ELOVL2: variants seen among roughly 807,000 people sequenced by gnomAD.
ELOVL2 encodes the protein very long chain fatty acid elongase 2.
Under a neutral mutation model 37.7 loss-of-function variants are expected in ELOVL2, and 38 were observed. The ratio of observed to expected loss-of-function variants is 1.01; its 90% CI spans 0.78 to 1.32. The LOEUF is 1.32. Ranked by LOEUF, ELOVL2 falls within the 40% of genes most tolerant of loss-of-function variation. ELOVL2 has a pLI of 0.00. For synonymous variants in ELOVL2, 115 were observed against 122.3 expected (o/e 0.94, Z 0.40); for missense variants, 352 against 363.6 (o/e 0.97, Z 0.26).
chr6:11,000,334 T>C (rs1782360317), intron 3 of ELOVL2, among the ~76,000 whole-genome samples, 170 bp from the exon 4 acceptor site: 1 of 152,236 alleles, frequency 6.6e-6, no homozygotes. Context: ...AGGGGACTTA[T>C]TTCCTGCTGT....
intron 1 of ELOVL2, among the ~76,000 whole-genome samples, chr6:11,018,942 T>C (rs551645592): frequency 1.3e-5 from 2 of 152,160 alleles, no homozygotes; most frequent in African/African-American, 2.4e-5. Context: ...CAAACAGAAA[T>C]AAAATCTCTG....
intron 3 of ELOVL2, 61 bp downstream of exon 3, chr6:11,005,311 T>G: frequency 6.8e-7 from 1 of 1,464,032 alleles, no homozygotes; most frequent in Non-Finnish European, 9.3e-7. Flanking sequence ...TAGATGTGGT[T>G]GTTTCTGTTA....
At chr6:11,037,406 G>A (rs529525661) in intron 1 of ELOVL2, among the ~76,000 whole-genome samples, 1 of 152,028 alleles carries the variant, frequency 6.6e-6, no homozygotes, top group Admixed American at 6.6e-5. Context: ...TTAGTCACGT[G>A]GAAAATTCAA....
At chr6:11,027,786 A>T (rs1041906408) in intron 1 of ELOVL2, among the ~76,000 whole-genome samples, 1 of 151,928 alleles carries the variant, frequency 6.6e-6, no homozygotes, top group African/African-American at 2.4e-5. Flanking sequence ...ATGTGGACTG[A>T]CCTTTCCTAC....
chr6:10,987,682 A>G (rs776596902), intron 7 of ELOVL2, among the ~76,000 whole-genome samples: 18 of 152,198 alleles, frequency 1.2e-4, no homozygotes, highest in Non-Finnish European at 2.2e-4. Context: ...TTCAATGACT[A>G]TTAGAGGTCA....
At chr6:11,040,992 T>C (rs1332121525) in intron 1 of ELOVL2, among the ~76,000 whole-genome samples, 1 of 152,230 alleles carries the variant, frequency 6.6e-6, no homozygotes, top group Non-Finnish European at 1.5e-5. Context: ...ATAAATTAAC[T>C]ATTTATTAGA....
chr6:11,020,066 A>G (rs892243035), intron 1 of ELOVL2, among the ~76,000 whole-genome samples: 3 of 152,194 alleles, frequency 2.0e-5, no homozygotes, highest in Non-Finnish European at 2.9e-5. Flanking sequence ...CTTTTTAACA[A>G]TAAGTCATTA....
chr6:11,019,734 T>TTTG lies in ELOVL2; in HGVS notation c.4-8928_4-8926dup, dbSNP rs776460444. 1.9e-4 allele frequency among the ~76,000 whole-genome samples: 29 copies of TTTG among 149,710 alleles called. 1 individual carries two copies. The highest frequency in any genetic ancestry group is 4.9e-4 in the African/African-American group (20 of 40,426). ...ATGTCTCTATCGTTTTAGTTTAGTT[T>TTTG]TTGTTGTTGTTGTTGTTGTTTGTTT... On this transcript the variant is annotated intron_variant, in intron 1 of 7. Coordinates refer to ENST00000354666, the MANE Select transcript of ELOVL2 (RefSeq NM_017770.4).
rs1220173291 is a variant in ELOVL2 at position 11,005,369 on chromosome 6, T to A, written c.255+3A>T. 6 of 1,610,688 alleles carry A rather than the reference T, an allele frequency of 3.7e-6. No individual in the cohort carries two copies. Among genetic ancestry groups the A allele is most frequent in the Non-Finnish European group, 4.2e-6 (5 of 1,178,606 alleles). On this transcript the variant is annotated splice_donor_region_variant and intron_variant, in intron 3 of 7. Coordinates refer to ENST00000354666, the MANE Select transcript of ELOVL2 (RefSeq NM_017770.4). Reference sequence around the variant, plus strand: ...CTTCAGCTTTGGCTACATAAACACTTACCTCTGCCAGCATGTACGCGGAGA... The same window carrying A: ...CTTCAGCTTTGGCTACATAAACACTAACCTCTGCCAGCATGTACGCGGAGA...
At chr6:11,001,268 TTC>T (rs2113501465) in intron 3 of ELOVL2, among the ~76,000 whole-genome samples, 1 of 152,318 alleles carries the variant, frequency 6.6e-6, no homozygotes, top group East Asian at 1.9e-4. Flanking sequence ...CAAAAACCCT[TTC>T]TGTTAACATC....
intron 1 of ELOVL2, among the ~76,000 whole-genome samples, chr6:11,023,599 T>C (rs1407439993): frequency 6.6e-6 from 1 of 152,202 alleles, no homozygotes; most frequent in Non-Finnish European, 1.5e-5. Flanking sequence ...CTATTTTATA[T>C]TTTCCTTCTT....
chr6:11,009,872 C>A (rs1345000450), intron 2 of ELOVL2, among the ~76,000 whole-genome samples: 2 of 151,944 alleles, frequency 1.3e-5, no homozygotes, highest in Non-Finnish European at 2.9e-5. Context: ...CCAGCTGACA[C>A]TGAATAAATG....
In ELOVL2 at chr6:10,983,547, G is replaced by C. The variant is rs888538120; in HGVS notation, c.*234C>G. The stretch of plus-strand genomic sequence containing the variant: ...GTTCAGTCTGTGGGAGGGAGGGAGA[G>C]AGAAGCTGCACCAGTTCTGAGGTCC... On this transcript the variant is annotated 3_prime_UTR_variant, in exon 8 of 8. Coordinates refer to ENST00000354666, the MANE Select transcript of ELOVL2 (RefSeq NM_017770.4). The C allele has an allele frequency of 3.4e-5, 12 of 352,516 alleles. No individual in the cohort carries two copies. Among genetic ancestry groups the C allele is most frequent in the African/African-American group, 2.5e-4 (12 of 47,138 alleles). 21.8% of individuals were successfully genotyped at this position (352,516 alleles called of 1,614,324 possible).
chr6:10,983,704 T>G lies in ELOVL2; in HGVS notation c.*77A>C. 2.1e-6 allele frequency: 3 copies of G among 1,454,298 alleles called. No individual in the cohort carries two copies. The highest frequency in any genetic ancestry group is 2.8e-6 in the Non-Finnish European group (3 of 1,085,208). The allele number at this position is 1,454,298 out of a possible 1,614,324, so 90.1% of individuals were successfully genotyped here. Reference sequence around the variant, plus strand: ...AGAAATTAGTTTATCCTAAAACATGTAACCTTCAATTCAGTCTTTGCTTTA... The same window carrying G: ...AGAAATTAGTTTATCCTAAAACATGGAACCTTCAATTCAGTCTTTGCTTTA... On this transcript the variant is annotated 3_prime_UTR_variant, in exon 8 of 8. Transcript: ENST00000354666.
At chr6:11,001,716 A>T (rs1782386610) in intron 3 of ELOVL2, among the ~76,000 whole-genome samples, 1 of 152,130 alleles carries the variant, frequency 6.6e-6, no homozygotes, top group Non-Finnish European at 1.5e-5. Flanking sequence ...TCTGTGCAGA[A>T]CTACCTGACA....
At position 11,043,452 on chromosome 6, in the gene ELOVL2, CATCGG is replaced by C. The variant is rs1411869208; in HGVS notation, c.3+771_3+775del. 1.0e-3 allele frequency: 93 copies of C among 93,184 alleles called. 2 individuals are homozygous for C. The East Asian group carries it at 0.01, about 10-fold the overall frequency. 5.8% of individuals were successfully genotyped at this position (93,184 alleles called of 1,614,324 possible). A position where few individuals can be genotyped will look rare whatever the true frequency, so the allele number is the denominator to read the frequency against. On this transcript the variant is annotated intron_variant, in intron 1 of 7. Transcript: ENST00000354666. ...ACACACAGCTTACTGTCAGGCAGTT[CATCGG>C]ACACGGGTGAACACACACACACACA...
intron 1 of ELOVL2, among the ~76,000 whole-genome samples, chr6:11,025,423 A>G (rs1225962459): frequency 3.3e-5 from 5 of 152,228 alleles, no homozygotes; most frequent in Non-Finnish European, 5.9e-5. Context: ...AAATCAGTAA[A>G]ACTGAAATCT....
chr6:10,999,785 C>G (rs1782346217), intron 4 of ELOVL2, among the ~76,000 whole-genome samples: 1 of 152,186 alleles, frequency 6.6e-6, no homozygotes, highest in Non-Finnish European at 1.5e-5. Flanking sequence ...ATCCTATAAA[C>G]ACGGTCTGCA....
chr6:10,984,129 T>C (rs2113458601), intron 7 of ELOVL2, among the ~76,000 whole-genome samples: 1 of 152,316 alleles, frequency 6.6e-6, no homozygotes, highest in African/African-American at 2.4e-5. Flanking sequence ...GTGATTCTCC[T>C]GCCTCAGCCT....
Sources: gnomAD v4.1 joint callset for allele counts (sites outside exome capture counted in the v4.1 genomes callset) on GRCh38, gnomAD v4.1.1 for gene constraint, MANE v1.5 for transcripts, NCBI Gene and HGNC (gene_info 2026-07-23, HGNC 2026-07-21) for gene names.